COL24A1: variants seen among roughly 807,000 people sequenced by gnomAD.
The protein encoded by COL24A1 is collagen type XXIV alpha 1 chain, also known as collagen alpha-1(XXIV) chain.
A neutral mutation model predicts 253.9 loss-of-function variants in COL24A1; 224 were observed. The observed-to-expected ratio is 0.88, with a 90% confidence interval of 0.79 to 0.99. The LOEUF is 0.99. Ranked by LOEUF, COL24A1 falls within the 50% of genes least tolerant of loss-of-function variation. COL24A1 has a pLI of 0.00. For missense variants in COL24A1, 2,131 were observed against 2,068.5 expected, an observed-to-expected ratio of 1.03 and a Z score of -0.59; for synonymous variants, 685 against 673.7, an observed-to-expected ratio of 1.02 and a Z score of -0.26.
At chr1:85,849,700 G>C (rs1240632642) in intron 37 of COL24A1, among the ~76,000 whole-genome samples, 1 of 152,126 alleles carries the variant, frequency 6.6e-6, no homozygotes, top group East Asian at 1.9e-4. Flanking sequence ...TTTAATTAGA[G>C]AGAATGTAAT....
chr1:85,980,524 A>G (rs1481897950), intron 20 of COL24A1, among the ~76,000 whole-genome samples: 1 of 152,230 alleles, frequency 6.6e-6, no homozygotes, highest in Non-Finnish European at 1.5e-5. Context: ...TAGCACTGCT[A>G]TACACCAACA....
chr1:86,006,537 A>C (rs185850013), intron 19 of COL24A1, among the ~76,000 whole-genome samples: 64 of 152,334 alleles, frequency 4.2e-4, no homozygotes, highest in African/African-American at 1.5e-3. Context: ...GACCTAATGT[A>C]AAATGCAATA....
intron 4 of COL24A1, among the ~76,000 whole-genome samples, chr1:86,115,063 T>C (rs1325785607): frequency 6.6e-6 from 1 of 152,200 alleles, no homozygotes; most frequent in Non-Finnish European, 1.5e-5. Flanking sequence ...ATGTTACAAG[T>C]AGCACCAGAA....
chr1:85,903,588 T>C lies in COL24A1; in HGVS notation c.2778+3606A>G, dbSNP rs1480627602. 2.0e-5 allele frequency among the ~76,000 whole-genome samples: 3 copies of C among 152,300 alleles called. No individual in the cohort carries two copies. The East Asian group carries it at 5.8e-4, about 29-fold the overall frequency. The stretch of plus-strand genomic sequence containing the variant: ...TATGCTGGCTAAAGAGAAAATCTAA[T>C]ATTTACATTCTTAGGAAAATTAAAG... On this transcript the variant is annotated intron_variant, in intron 28 of 59. Transcript: ENST00000370571.
At chr1:86,140,943 T>C (rs1650983204) in intron 2 of COL24A1, among the ~76,000 whole-genome samples, 1 of 152,340 alleles carries the variant, frequency 6.6e-6, no homozygotes, top group African/African-American at 2.4e-5. Context: ...AAAATGTTTT[T>C]TCTTAGCTGT....
chr1:86,037,552 G>A (rs1699134050), intron 12 of COL24A1, among the ~76,000 whole-genome samples: 1 of 152,042 alleles, frequency 6.6e-6, no homozygotes, highest in South Asian at 2.1e-4. Context: ...ACAACCTCAA[G>A]GTAATAAATT....
chr1:86,088,056 G>A (rs556705629), intron 7 of COL24A1, among the ~76,000 whole-genome samples: 2 of 152,184 alleles, frequency 1.3e-5, no homozygotes, highest in African/African-American at 2.4e-5. Context: ...AATAGCTGAC[G>A]GTTTACATTT....
intron 37 of COL24A1, among the ~76,000 whole-genome samples, chr1:85,859,672 TGTAA>T (rs2102425193): frequency 6.6e-6 from 1 of 152,290 alleles, no homozygotes; most frequent in South Asian, 2.1e-4. Context: ...TCCTGAAATG[TGTAA>T]GTAATATTTT....
intron 23 of COL24A1, among the ~76,000 whole-genome samples, chr1:85,963,399 T>C (rs1460298898): frequency 6.6e-6 from 1 of 152,172 alleles, no homozygotes; most frequent in Non-Finnish European, 1.5e-5. Flanking sequence ...CTTCTTAAAT[T>C]CCAAATTTGT....
chr1:86,116,590 A>C (rs1213197456), intron 3 of COL24A1, among the ~76,000 whole-genome samples: 1 of 152,162 alleles, frequency 6.6e-6, no homozygotes, highest in Non-Finnish European at 1.5e-5. Flanking sequence ...CCAATTCAAA[A>C]ACACAAGAGG....
chr1:86,134,092 T>G (rs1383947050), intron 2 of COL24A1, among the ~76,000 whole-genome samples: 1 of 152,110 alleles, frequency 6.6e-6, no homozygotes, highest in African/African-American at 2.4e-5. Flanking sequence ...GTGTATATTT[T>G]GAGGAATTTA....
At chr1:86,078,763 C>T (rs968208498) in intron 7 of COL24A1, among the ~76,000 whole-genome samples, 1 of 151,990 alleles carries the variant, frequency 6.6e-6, no homozygotes, top group African/African-American at 2.4e-5. Flanking sequence ...TAAAAGATCT[C>T]TATAATAAAA....
chr1:86,047,611 C>T (rs6674872), intron 11 of COL24A1, among the ~76,000 whole-genome samples: 36,258 of 151,776 alleles, frequency 0.24, 4,576 homozygotes, highest in Middle Eastern at 0.43. Context: ...TGTATATATA[C>T]ACACATATAT....
chr1:86,026,248 G>T (rs7411998), intron 14 of COL24A1, among the ~76,000 whole-genome samples: 2 of 152,058 alleles, frequency 1.3e-5, no homozygotes, highest in African/African-American at 4.8e-5. Flanking sequence ...TACTTTGAAA[G>T]GTAGAAAGGA....
intron 7 of COL24A1, among the ~76,000 whole-genome samples, chr1:86,070,404 G>T (rs557574251): frequency 1.3e-5 from 2 of 152,240 alleles, no homozygotes; most frequent in African/African-American, 4.8e-5. Flanking sequence ...AGAGATAGGG[G>T]TAGAAAGTTT....
At chr1:85,925,217 G>T (rs1571243316) in intron 24 of COL24A1, among the ~76,000 whole-genome samples, 1 of 152,134 alleles carries the variant, frequency 6.6e-6, no homozygotes, top group East Asian at 1.9e-4. Flanking sequence ...TGGACAGGAA[G>T]AATCAATATC....
chr1:85,796,973 GGTGGAT>G (rs1233830910), intron 47 of COL24A1, among the ~76,000 whole-genome samples: 13 of 151,904 alleles, frequency 8.6e-5, no homozygotes, highest in Admixed American at 4.6e-4. Flanking sequence ...GGCTGAGGCG[GGTGGAT>G]CATGAGGTCA....
chr1:86,054,216 C>T (rs1428200054), intron 10 of COL24A1, among the ~76,000 whole-genome samples: 1 of 151,936 alleles, frequency 6.6e-6, no homozygotes, highest in Non-Finnish European at 1.5e-5. Context: ...TAGGAAATAC[C>T]CTTCTGGACA....
chr1:86,029,766 C>T (rs1037405301), intron 14 of COL24A1: 8 of 152,076 alleles, frequency 5.3e-5, no homozygotes, highest in Admixed American at 5.2e-4. Flanking sequence ...CAGGTGTGCT[C>T]TACCTCACTT....
Sources: gnomAD v4.1 joint callset for allele counts (sites outside exome capture counted in the v4.1 genomes callset) on GRCh38, gnomAD v4.1.1 for gene constraint, MANE v1.5 for transcripts, NCBI Gene and HGNC (gene_info 2026-07-23, HGNC 2026-07-21) for gene names.